The following MAP2 variants were observed in gnomAD, a reference collection of about 807,000 sequenced individuals.
MAP2 encodes the protein microtubule associated protein 2.
In MAP2, 14 loss-of-function variants were observed where a neutral mutation model predicts 137.6. The observed-to-expected ratio is 0.10, with a 90% CI of 0.07 to 0.16. The LOEUF is 0.16. Ranked by LOEUF, MAP2 falls within the 10% of genes least tolerant of loss-of-function variation. MAP2 has a pLI of 1.00. For missense variants in MAP2, 2,088 were observed against 2,191.5 expected (o/e 0.95, Z 0.94); for synonymous variants, 786 against 782.3 (o/e 1.00, Z -0.08).
chr2:209,471,351 T>C (rs1705665468), intron 1 of MAP2, among the ~76,000 whole-genome samples: 1 of 152,200 alleles, frequency 6.6e-6, no homozygotes, highest in Admixed American at 6.5e-5. Flanking sequence ...CTCTACTAGA[T>C]TGTAAGCCTT....
intron 5 of MAP2, among the ~76,000 whole-genome samples, chr2:209,666,118 T>C (rs2046198438): frequency 6.6e-6 from 1 of 152,178 alleles, no homozygotes; most frequent in Non-Finnish European, 1.5e-5. Flanking sequence ...TCTCATCAGC[T>C]TGAAAAATAG....
At chr2:209,728,292 C>T (rs1195361858) in intron 14 of MAP2, among the ~76,000 whole-genome samples, 1 of 152,110 alleles carries the variant, frequency 6.6e-6, no homozygotes, top group Admixed American at 6.6e-5. Flanking sequence ...TATCCTCTAA[C>T]CTCTAACCAA....
At chr2:209,543,089 T>C (rs1350784352) in intron 2 of MAP2, among the ~76,000 whole-genome samples, 1 of 152,244 alleles carries the variant, frequency 6.6e-6, no homozygotes. Flanking sequence ...TATGTAACTC[T>C]TTATTTCACT....
intron 1 of MAP2, among the ~76,000 whole-genome samples, chr2:209,433,931 G>A (rs1029161211): frequency 5.3e-5 from 8 of 152,052 alleles, no homozygotes; most frequent in African/African-American, 1.9e-4. Flanking sequence ...ATATGAATGG[G>A]TCCTTTGGCT....
chr2:209,570,900 T>G (rs946138698), intron 2 of MAP2, among the ~76,000 whole-genome samples: 7 of 151,914 alleles, frequency 4.6e-5, no homozygotes, highest in Non-Finnish European at 1.0e-4. Flanking sequence ...TTTGTCATAA[T>G]AGCGTAGTTC....
intron 13 of MAP2, among the ~76,000 whole-genome samples, chr2:209,721,728 T>G (rs2071064983): frequency 6.6e-6 from 1 of 152,210 alleles, no homozygotes. Context: ...GTTTGGCTTG[T>G]GATCACTTGG....
intron 1 of MAP2, among the ~76,000 whole-genome samples, chr2:209,449,876 T>C (rs1699935361): frequency 6.6e-6 from 1 of 152,178 alleles, no homozygotes; most frequent in Admixed American, 6.6e-5. Flanking sequence ...AGTATTATCT[T>C]CCATTTGTTC....
At chr2:209,435,651 GA>G (rs1695741704) in intron 1 of MAP2, among the ~76,000 whole-genome samples, 1 of 151,556 alleles carries the variant, frequency 6.6e-6, no homozygotes, top group Admixed American at 6.6e-5. Context: ...AGATTAGCAA[GA>G]AAAATTTGGG....
At chr2:209,568,320 A>C (rs970000895) in intron 2 of MAP2, among the ~76,000 whole-genome samples, 2 of 151,996 alleles carry the variant, frequency 1.3e-5, no homozygotes, top group African/African-American at 2.4e-5. Context: ...ATTTTCAGAA[A>C]TCATTCCACT....
chr2:209,470,714 C>CT (rs750315416), intron 1 of MAP2, among the ~76,000 whole-genome samples: 5 of 152,062 alleles, frequency 3.3e-5, no homozygotes, highest in Non-Finnish European at 5.9e-5. Flanking sequence ...CTGAGGTCAG[C>CT]TAGGGGCGCT....
chr2:209,441,773 C>G (rs998134380), intron 1 of MAP2, among the ~76,000 whole-genome samples: 4 of 151,528 alleles, frequency 2.6e-5, no homozygotes, highest in Admixed American at 2.6e-4. Context: ...TTGAATTAAT[C>G]GAGGAACAGG....
At chr2:209,501,758 C>T (rs889472904) in intron 1 of MAP2, among the ~76,000 whole-genome samples, 4 of 151,994 alleles carry the variant, frequency 2.6e-5, no homozygotes, top group African/African-American at 9.7e-5. Context: ...AATTCTGCAC[C>T]TATTTGCTCA....
intron 1 of MAP2, among the ~76,000 whole-genome samples, chr2:209,485,507 A>G (rs2058266763): frequency 6.6e-6 from 1 of 152,186 alleles, no homozygotes; most frequent in Non-Finnish European, 1.5e-5. Context: ...TTTCTCCTGC[A>G]TGACATTTGA....
intron 7 of MAP2, among the ~76,000 whole-genome samples, chr2:209,685,596 A>G (rs2153698460): frequency 6.6e-6 from 1 of 152,286 alleles, no homozygotes; most frequent in East Asian, 1.9e-4. Flanking sequence ...ACTTTGCCAG[A>G]CACTCTTTTT....
chr2:209,532,836 T>G (rs2065330476), intron 2 of MAP2, among the ~76,000 whole-genome samples: 1 of 152,180 alleles, frequency 6.6e-6, no homozygotes, highest in Admixed American at 6.5e-5. Flanking sequence ...AGCCAACAAA[T>G]TTGATGAATT....
chr2:209,557,566 A>G (rs1413285004), intron 2 of MAP2, among the ~76,000 whole-genome samples: 1 of 152,204 alleles, frequency 6.6e-6, no homozygotes, highest in Non-Finnish European at 1.5e-5. Context: ...AGACTCATCA[A>G]GGCATTCTTC....
intron 2 of MAP2, among the ~76,000 whole-genome samples, chr2:209,512,798 C>T (rs1237754850): frequency 6.6e-6 from 1 of 151,996 alleles, no homozygotes; most frequent in Non-Finnish European, 1.5e-5. Context: ...CATGCACCAG[C>T]ACACCCAGCT....
At chr2:209,463,805 T>A (rs1703464549) in intron 1 of MAP2, among the ~76,000 whole-genome samples, 1 of 152,168 alleles carries the variant, frequency 6.6e-6, no homozygotes. Context: ...GATGCGTCTT[T>A]ATTGAAAGTT....
chr2:209,549,628 A>G (rs1320921007), intron 2 of MAP2, among the ~76,000 whole-genome samples: 1 of 152,190 alleles, frequency 6.6e-6, no homozygotes, highest in African/African-American at 2.4e-5. Context: ...TTTAAATGTC[A>G]GAAAACTTCT....
Sources: gnomAD v4.1 joint callset for allele counts (sites outside exome capture counted in the v4.1 genomes callset) on GRCh38, gnomAD v4.1.1 for gene constraint, MANE v1.5 for transcripts, NCBI Gene and HGNC (gene_info 2026-07-23, HGNC 2026-07-21) for gene names.